FOXP1: variants seen among roughly 807,000 people sequenced by gnomAD.
FOXP1 encodes the protein forkhead box protein P1.
A neutral mutation model predicts 98.2 loss-of-function variants in FOXP1; 15 were observed. The ratio of observed to expected loss-of-function variants is 0.15; its 90% CI spans 0.10 to 0.24. The LOEUF (loss-of-function observed/expected upper bound fraction) is 0.24, where lower values mean the gene tolerates loss of function less well. Among genes scored for constraint, FOXP1 ranks in the 10% least tolerant of loss-of-function variants. The pLI, the probability that FOXP1 is intolerant of heterozygous loss-of-function variation, is 1.00. For synonymous variants in FOXP1, 371 were observed against 314.5 expected, an observed-to-expected ratio of 1.18 and a Z score of -1.90; for missense variants, 633 against 848.5, an observed-to-expected ratio of 0.75 and a Z score of 3.15.
At chr3:71,308,800 TGTGTGTGG>T (rs1247785698) in intron 4 of FOXP1, among the ~76,000 whole-genome samples, 11 of 117,348 alleles carry the variant, frequency 9.4e-5, no homozygotes, top group Non-Finnish European at 1.8e-4. Flanking sequence ...TGTGTGTGTG[TGTGTGTGG>T]GTGAGGGGGG....
At chr3:71,447,008 C>T (rs1385616431) in intron 3 of FOXP1, among the ~76,000 whole-genome samples, 1 of 152,228 alleles carries the variant, frequency 6.6e-6, no homozygotes, top group Non-Finnish European at 1.5e-5. Context: ...GGAATGCATC[C>T]CTAACAGACA....
At chr3:71,160,412 T>C (rs73838198) in intron 6 of FOXP1, among the ~76,000 whole-genome samples, 2,291 of 152,278 alleles carry the variant, frequency 0.015, 49 homozygotes, top group African/African-American at 0.051. Context: ...CTTTGGCCAC[T>C]GGGTTGTTTA....
chr3:71,515,791 G>C (rs934195801), intron 2 of FOXP1, among the ~76,000 whole-genome samples: 2 of 152,280 alleles, frequency 1.3e-5, no homozygotes, highest in Middle Eastern at 3.4e-3. Flanking sequence ...GCTGCTACCA[G>C]GGTAGTGAGA....
At chr3:71,399,255 TA>T (rs1170000352) in intron 3 of FOXP1, among the ~76,000 whole-genome samples, 2 of 152,134 alleles carry the variant, frequency 1.3e-5, no homozygotes, top group Non-Finnish European at 2.9e-5. Context: ...TGTGTGTATA[TA>T]CACACAAAAC....
chr3:71,174,817 CA>C (rs2061839596), intron 6 of FOXP1, among the ~76,000 whole-genome samples: 1 of 151,496 alleles, frequency 6.6e-6, no homozygotes, highest in Admixed American at 6.6e-5. Context: ...CACACACACA[CA>C]CACACACACC....
intron 3 of FOXP1, among the ~76,000 whole-genome samples, chr3:71,465,540 C>T (rs1311771514): frequency 2.0e-5 from 3 of 152,108 alleles, no homozygotes; most frequent in African/African-American, 2.4e-5. Flanking sequence ...ACCTTGTGCA[C>T]GTCCCACAGC....
chr3:71,274,415 A>C (rs1001116652), intron 5 of FOXP1, among the ~76,000 whole-genome samples: 2 of 152,156 alleles, frequency 1.3e-5, no homozygotes, highest in Non-Finnish European at 2.9e-5. Context: ...TTGGAGCAGC[A>C]AGGTGACAAG....
intron 5 of FOXP1, among the ~76,000 whole-genome samples, chr3:71,201,179 T>C (rs1187514975): frequency 6.6e-6 from 1 of 152,214 alleles, no homozygotes; most frequent in Non-Finnish European, 1.5e-5. Context: ...GAGTAAAGCG[T>C]CTATCAAAAA....
intron 6 of FOXP1, chr3:71,197,792 C>A: frequency 7.9e-7 from 1 of 1,271,930 alleles, no homozygotes; most frequent in Non-Finnish European, 1.1e-6. Flanking sequence ...CTTTTTCTCT[C>A]TTTTATTCCT....
At chr3:71,490,429 T>C (rs1033937683) in intron 3 of FOXP1, among the ~76,000 whole-genome samples, 18 of 151,572 alleles carry the variant, frequency 1.2e-4, no homozygotes, top group Admixed American at 7.2e-4. Context: ...ACCCAGGAAG[T>C]GGAGGTTGCA....
chr3:71,285,462 G>A (rs936080563), intron 5 of FOXP1, among the ~76,000 whole-genome samples: 7 of 152,058 alleles, frequency 4.6e-5, no homozygotes, highest in African/African-American at 1.7e-4. Context: ...CAGAGGGAGA[G>A]GGAACGAGGA....
chr3:71,051,755 C>G (rs189448777), intron 9 of FOXP1, among the ~76,000 whole-genome samples: 72 of 152,302 alleles, frequency 4.7e-4, no homozygotes, highest in African/African-American at 1.7e-3. Flanking sequence ...CACACGGATA[C>G]TCCCACAACT....
chr3:71,040,348 T>A (rs2048175600), intron 11 of FOXP1: 1 of 152,170 alleles, frequency 6.6e-6, no homozygotes. Flanking sequence ...AGAAATGGCA[T>A]TTACTGTCAC....
chr3:71,501,496 T>C (rs944161151), intron 2 of FOXP1, among the ~76,000 whole-genome samples: 17 of 152,092 alleles, frequency 1.1e-4, no homozygotes, highest in African/African-American at 4.1e-4. Flanking sequence ...GGTTTCACCA[T>C]GTTGGCCAGG....
At chr3:71,220,767 T>TAAAATAAAA in intron 5 of FOXP1, among the ~76,000 whole-genome samples, 1 of 149,774 alleles carries the variant, frequency 6.7e-6, no homozygotes, top group African/African-American at 2.5e-5. Flanking sequence ...TAAAATAAAA[T>TAAAATAAAA]AAAATAAAAT....
At chr3:71,559,077 C>G (rs867332266) in intron 2 of FOXP1, among the ~76,000 whole-genome samples, 20 of 152,186 alleles carry the variant, frequency 1.3e-4, no homozygotes, top group Admixed American at 2.0e-4. Context: ...GTGCCATTCT[C>G]ACTCTTAAGA....
At chr3:71,266,345 G>T (rs1356586634) in intron 5 of FOXP1, among the ~76,000 whole-genome samples, 2 of 152,050 alleles carry the variant, frequency 1.3e-5, no homozygotes, top group African/African-American at 4.8e-5. Context: ...TGCCCCCCAG[G>T]TTTAAGCAAT....
intron 6 of FOXP1, among the ~76,000 whole-genome samples, chr3:71,120,911 T>C (rs2058714430): frequency 6.6e-6 from 1 of 152,242 alleles, no homozygotes. Context: ...GCTTTTCTTT[T>C]ACTTTAATGT....
intron 5 of FOXP1, among the ~76,000 whole-genome samples, chr3:71,236,586 A>G (rs1448147775): frequency 2.6e-5 from 4 of 152,196 alleles, no homozygotes; most frequent in Admixed American, 6.5e-5. Context: ...ACAAGCAAAA[A>G]TGGCTGGGTG....
Sources: allele counts gnomAD v4.1 joint callset (sites outside exome capture counted in the v4.1 genomes callset), GRCh38; gene constraint gnomAD v4.1.1; transcripts MANE v1.5; gene names NCBI Gene and HGNC (gene_info 2026-07-23, HGNC 2026-07-21).